The following GALNTL6 variants were observed in gnomAD, a reference collection of about 807,000 sequenced individuals.
The protein encoded by GALNTL6 is polypeptide N-acetylgalactosaminyltransferase-like 6.
Under a neutral mutation model 73.7 loss-of-function variants are expected in GALNTL6, and 46 were observed. The observed-to-expected ratio is 0.62, with a 90% CI of 0.49 to 0.80. GALNTL6 has a LOEUF of 0.80. Among genes scored for constraint, GALNTL6 ranks in the 30% least tolerant of loss-of-function variants. The pLI, the probability that GALNTL6 is intolerant of heterozygous loss-of-function variation, is 0.00. For missense variants in GALNTL6, 604 were observed against 755.0 expected, an observed-to-expected ratio of 0.80 and a Z score of 2.34; for synonymous variants, 259 against 263.7, an observed-to-expected ratio of 0.98 and a Z score of 0.17.
At chr4:171,822,001 AAAAAG>A (rs1734698626) in intron 2 of GALNTL6, among the ~76,000 whole-genome samples, 1 of 152,172 alleles carries the variant, frequency 6.6e-6, no homozygotes. Flanking sequence ...GCTTTTAATA[AAAAAG>A]AAAAGAAAAA....
intron 5 of GALNTL6, among the ~76,000 whole-genome samples, chr4:172,757,664 A>C (rs538583076): frequency 1.3e-3 from 196 of 152,330 alleles, no homozygotes; most frequent in Non-Finnish European, 2.3e-3. Context: ...ACATCCACGA[A>C]CTAATTAGGA....
intron 5 of GALNTL6, among the ~76,000 whole-genome samples, chr4:172,519,289 G>C (rs910888594): frequency 1.3e-5 from 2 of 150,492 alleles, no homozygotes; most frequent in Non-Finnish European, 3.0e-5. Flanking sequence ...CACTTTCCTT[G>C]CAGCAGTGAT....
chr4:172,265,257 TA>T (rs1410320183), intron 3 of GALNTL6, among the ~76,000 whole-genome samples: 1 of 151,908 alleles, frequency 6.6e-6, no homozygotes, highest in Non-Finnish European at 1.5e-5. Flanking sequence ...TATTACAAAG[TA>T]AGGTTACAAA....
intron 4 of GALNTL6, among the ~76,000 whole-genome samples, chr4:172,327,695 TAAA>T (rs2111175090): frequency 6.6e-6 from 1 of 152,234 alleles, no homozygotes; most frequent in South Asian, 2.1e-4. Context: ...CTGTTTTGTC[TAAA>T]ATTCGCATTG....
At chr4:172,471,823 C>T (rs751593720) in intron 5 of GALNTL6, among the ~76,000 whole-genome samples, 1 of 152,306 alleles carries the variant, frequency 6.6e-6, no homozygotes, top group Middle Eastern at 3.4e-3. Flanking sequence ...TTATGTTACA[C>T]ATTTGAGTGA....
chr4:172,597,038 G>A (rs1737880715), intron 5 of GALNTL6, among the ~76,000 whole-genome samples: 1 of 152,118 alleles, frequency 6.6e-6, no homozygotes, highest in Non-Finnish European at 1.5e-5. Flanking sequence ...TTTTAACCTT[G>A]CATGAAAACT....
intron 2 of GALNTL6, among the ~76,000 whole-genome samples, chr4:171,831,011 A>G (rs1394431733): frequency 2.6e-5 from 4 of 152,126 alleles, no homozygotes; most frequent in Non-Finnish European, 5.9e-5. Context: ...AATACACAAT[A>G]CAAGTGACCA....
intron 2 of GALNTL6, among the ~76,000 whole-genome samples, chr4:172,212,198 G>C (rs28817898): frequency 0.014 from 2,183 of 151,624 alleles, 56 homozygotes; most frequent in African/African-American, 0.05. Context: ...GACTCTCTCT[G>C]TCACCCAGGC....
chr4:172,114,811 A>C (rs1236120207), intron 2 of GALNTL6, among the ~76,000 whole-genome samples: 7 of 152,086 alleles, frequency 4.6e-5, no homozygotes, highest in Non-Finnish European at 2.9e-5. Flanking sequence ...GTTACATGAG[A>C]CCTGCCTGCT....
chr4:172,994,481 C>T (rs929390051), intron 10 of GALNTL6, among the ~76,000 whole-genome samples: 4 of 152,130 alleles, frequency 2.6e-5, no homozygotes, highest in African/African-American at 9.7e-5. Flanking sequence ...TAATTTAAGG[C>T]TCACAGAGAA....
intron 4 of GALNTL6, among the ~76,000 whole-genome samples, chr4:172,313,119 C>T (rs574352103): frequency 7.2e-6 from 1 of 139,664 alleles, no homozygotes; most frequent in Non-Finnish European, 1.5e-5. Flanking sequence ...AGTTCCCCCC[C>T]CCACCCCCAC....
At chr4:172,663,815 A>T (rs1216121015) in intron 5 of GALNTL6, among the ~76,000 whole-genome samples, 1 of 152,080 alleles carries the variant, frequency 6.6e-6, no homozygotes, top group Non-Finnish European at 1.5e-5. Flanking sequence ...CTGTAGTCCC[A>T]GCTACTCGGG....
Position 172,262,749 on chromosome 4 carries a change from A to G in GALNTL6, c.247+32985A>G, listed in dbSNP as rs185045574. 1.7e-4 allele frequency among the ~76,000 whole-genome samples: 26 copies of G among 151,314 alleles called. No individual in the cohort carries two copies. In the East Asian group the frequency reaches 4.1e-3, roughly 24 times the overall value. On this transcript the variant is annotated intron_variant, in intron 3 of 12. Coordinates refer to ENST00000506823, the MANE Select transcript of GALNTL6 (RefSeq NM_001034845.3). Reference sequence around the variant, plus strand: ...TATGTTTTAAGGAGGTTCTATTTTGATCTATTTTGATGTTTTGTTTCAGGA... The same window carrying G: ...TATGTTTTAAGGAGGTTCTATTTTGGTCTATTTTGATGTTTTGTTTCAGGA...
intron 2 of GALNTL6, among the ~76,000 whole-genome samples, chr4:172,210,055 A>G (rs1736273747): frequency 6.6e-6 from 1 of 152,104 alleles, no homozygotes; most frequent in Non-Finnish European, 1.5e-5. Flanking sequence ...TAAGCTATGA[A>G]TTGCAAAGAT....
intron 4 of GALNTL6, among the ~76,000 whole-genome samples, chr4:172,321,136 A>G (rs553880261): frequency 1.8e-4 from 27 of 152,288 alleles, no homozygotes; most frequent in African/African-American, 5.8e-4. Context: ...AAACTTTATC[A>G]TAGGTGTGTA....
At chr4:172,227,614 G>T (rs72702825) in intron 2 of GALNTL6, among the ~76,000 whole-genome samples, 7 of 152,114 alleles carry the variant, frequency 4.6e-5, no homozygotes, top group Non-Finnish European at 1.0e-4. Context: ...TGAAAATTCC[G>T]TGCCATAAAA....
At chr4:172,207,505 T>C (rs1162333537) in intron 2 of GALNTL6, among the ~76,000 whole-genome samples, 1 of 152,192 alleles carries the variant, frequency 6.6e-6, no homozygotes, top group Non-Finnish European at 1.5e-5. Flanking sequence ...TCAGTCACTA[T>C]TTGGGAAGCC....
intron 2 of GALNTL6, among the ~76,000 whole-genome samples, chr4:172,079,013 G>A (rs1432750835): frequency 2.6e-5 from 4 of 151,956 alleles, no homozygotes; most frequent in Non-Finnish European, 5.9e-5. Context: ...ATCTGCAAAT[G>A]TATGTTTATG....
intron 5 of GALNTL6, among the ~76,000 whole-genome samples, chr4:172,542,723 A>T (rs1032079806): frequency 6.6e-6 from 1 of 152,124 alleles, no homozygotes. Context: ...GGTTCTGTTC[A>T]GTCAGTTGTG....
Sources: allele counts gnomAD v4.1 joint callset (sites outside exome capture counted in the v4.1 genomes callset), GRCh38; gene constraint gnomAD v4.1.1; transcripts MANE v1.5; gene names NCBI Gene and HGNC (gene_info 2026-07-23, HGNC 2026-07-21).